The following LRRTM4 variants were observed in gnomAD, a reference collection of about 807,000 sequenced individuals.
The protein encoded by LRRTM4 is leucine-rich repeat transmembrane neuronal protein 4.
Under a neutral mutation model 47.6 loss-of-function variants are expected in LRRTM4, and 25 were observed. That is an observed-to-expected ratio of 0.53 (90% CI 0.38 to 0.73). LRRTM4 has a LOEUF of 0.73. Ranked by LOEUF, LRRTM4 falls within the 30% of genes least tolerant of loss-of-function variation. The pLI is 0.00. For synonymous variants in LRRTM4, 311 were observed against 269.5 expected (o/e 1.15, Z -1.51); for missense variants, 638 against 713.4 (o/e 0.89, Z 1.20).
At chr2:77,327,650 T>C (rs1268036400) in intron 3 of LRRTM4, among the ~76,000 whole-genome samples, 2 of 152,198 alleles carry the variant, frequency 1.3e-5, no homozygotes, top group Non-Finnish European at 2.9e-5. Context: ...ATGTTATTTG[T>C]TGCCTTCTGT....
chr2:76,816,569 AT>A (rs1241904851), intron 3 of LRRTM4, among the ~76,000 whole-genome samples: 9 of 151,332 alleles, frequency 5.9e-5, no homozygotes, highest in Admixed American at 1.3e-4. Flanking sequence ...TTATTTTTTT[AT>A]TTTTTTTGGA....
chr2:77,460,509 G>T (rs1479077512), intron 3 of LRRTM4, among the ~76,000 whole-genome samples: 2 of 152,008 alleles, frequency 1.3e-5, no homozygotes, highest in South Asian at 2.1e-4. Flanking sequence ...AAGTTTCCCA[G>T]GTGGTTTATT....
chr2:76,840,354 G>C (rs1010367371), intron 3 of LRRTM4, among the ~76,000 whole-genome samples: 2 of 152,162 alleles, frequency 1.3e-5, no homozygotes, highest in East Asian at 3.9e-4. Context: ...TACAAACCTG[G>C]CCTTTTGAGA....
At chr2:77,391,364 C>T (rs532199600) in intron 3 of LRRTM4, among the ~76,000 whole-genome samples, 13 of 151,998 alleles carry the variant, frequency 8.6e-5, no homozygotes, top group African/African-American at 2.9e-4. Context: ...GGACAAGGTG[C>T]TTTCTGTACT....
intron 3 of LRRTM4, among the ~76,000 whole-genome samples, chr2:77,476,532 A>G (rs539432096): frequency 4.3e-4 from 65 of 152,288 alleles, no homozygotes; most frequent in African/African-American, 1.5e-3. Context: ...AGCACCATTT[A>G]GAAAATTCAT....
intron 3 of LRRTM4, among the ~76,000 whole-genome samples, chr2:77,319,029 C>G (rs1677709034): frequency 6.6e-6 from 1 of 151,926 alleles, no homozygotes; most frequent in African/African-American, 2.4e-5. Context: ...ATATTTTTAA[C>G]AGGATTACTC....
intron 3 of LRRTM4, among the ~76,000 whole-genome samples, chr2:77,072,616 G>A (rs912267645): frequency 6.6e-6 from 1 of 151,850 alleles, no homozygotes; most frequent in African/African-American, 2.4e-5. Context: ...TGGCCAACAT[G>A]ACGAAATCCC....
At chr2:77,123,647 CT>C (rs1553393849) in intron 3 of LRRTM4, among the ~76,000 whole-genome samples, 3 of 151,966 alleles carry the variant, frequency 2.0e-5, no homozygotes, top group Non-Finnish European at 4.4e-5. Flanking sequence ...GGTTTTTTCT[CT>C]TTTAAAAATT....
intron 3 of LRRTM4, among the ~76,000 whole-genome samples, chr2:77,336,325 A>G (rs992245777): frequency 5.9e-5 from 9 of 151,552 alleles, no homozygotes; most frequent in African/African-American, 9.7e-5. Context: ...AGGAAGGAAG[A>G]AAGGAAGGAA....
At chr2:77,518,053 T>A (rs924553278) in intron 3 of LRRTM4, 1 of 1,197,030 alleles carries the variant, frequency 8.4e-7, no homozygotes, top group African/African-American at 1.6e-5. Context: ...ATACAAATTG[T>A]TAAAAAGCAG....
chr2:77,163,699 G>C (rs757470270), intron 3 of LRRTM4, among the ~76,000 whole-genome samples: 18 of 152,046 alleles, frequency 1.2e-4, no homozygotes, highest in Admixed American at 3.9e-4. Flanking sequence ...ATTTCATATC[G>C]AGCCAAACTA....
intron 3 of LRRTM4, among the ~76,000 whole-genome samples, chr2:76,955,555 A>T (rs1485573243): frequency 6.6e-6 from 1 of 151,826 alleles, no homozygotes; most frequent in African/African-American, 2.4e-5. Flanking sequence ...AAAAGCTACA[A>T]GACAGCGATA....
At chr2:77,032,000 T>C (rs950757433) in intron 3 of LRRTM4, among the ~76,000 whole-genome samples, 1 of 152,088 alleles carries the variant, frequency 6.6e-6, no homozygotes, top group South Asian at 2.1e-4. Context: ...ATCAAAACAC[T>C]TTTTAAAGAT....
intron 3 of LRRTM4, among the ~76,000 whole-genome samples, chr2:77,046,509 G>T (rs1006197526): frequency 6.6e-6 from 1 of 151,978 alleles, no homozygotes; most frequent in African/African-American, 2.4e-5. Flanking sequence ...TTGGCAGACA[G>T]TCTCAATGAT....
intron 3 of LRRTM4, among the ~76,000 whole-genome samples, chr2:77,049,122 T>TTTATATATATATA (rs1553377413): frequency 1.6e-5 from 1 of 62,698 alleles, no homozygotes; most frequent in African/African-American, 8.8e-5. Flanking sequence ...ATTTCATTTT[T>TTTATATATATATA]TATATATATA....
At chr2:76,834,376 AGAG>A (rs1029623781) in intron 3 of LRRTM4, among the ~76,000 whole-genome samples, 2 of 151,910 alleles carry the variant, frequency 1.3e-5, no homozygotes, top group African/African-American at 4.8e-5. Flanking sequence ...TTTTGTACTT[AGAG>A]GAGATTTCAA....
intron 3 of LRRTM4, among the ~76,000 whole-genome samples, chr2:77,474,500 G>A (rs1347259041): frequency 6.6e-6 from 1 of 152,040 alleles, no homozygotes; most frequent in Non-Finnish European, 1.5e-5. Flanking sequence ...GCAATGTCAA[G>A]AGTAAGGTTG....
intron 3 of LRRTM4, among the ~76,000 whole-genome samples, chr2:76,903,234 G>T (rs1673703043): frequency 6.6e-6 from 1 of 151,606 alleles, no homozygotes; most frequent in African/African-American, 2.4e-5. Context: ...AATAAAAAAA[G>T]AAAAACAAGT....
At chr2:76,995,658 C>G (rs979351540) in intron 3 of LRRTM4, among the ~76,000 whole-genome samples, 1 of 151,978 alleles carries the variant, frequency 6.6e-6, no homozygotes, top group African/African-American at 2.4e-5. Flanking sequence ...CCTAGGAAAG[C>G]TGGAGGGAAT....
Sources: allele counts gnomAD v4.1 joint callset (sites outside exome capture counted in the v4.1 genomes callset), GRCh38; gene constraint gnomAD v4.1.1; transcripts MANE v1.5; gene names NCBI Gene and HGNC (gene_info 2026-07-23, HGNC 2026-07-21).